The following FOXA2 variants were observed in gnomAD, a reference collection of about 807,000 sequenced individuals.
FOXA2 encodes the protein hepatocyte nuclear factor 3-beta.
A neutral mutation model predicts 33.3 loss-of-function variants in FOXA2; 9 were observed. The ratio of observed to expected loss-of-function variants is 0.27; its 90% CI spans 0.16 to 0.47. The LOEUF is 0.47. Ranked by LOEUF, FOXA2 falls within the 20% of genes least tolerant of loss-of-function variation. The pLI is 0.99. For synonymous variants in FOXA2, 329 were observed against 289.4 expected, an observed-to-expected ratio of 1.14 and a Z score of -1.39; for missense variants, 704 against 659.9, an observed-to-expected ratio of 1.07 and a Z score of -0.73.
At position 22,583,098 on chromosome 20, in the gene FOXA2, C is replaced by G. The variant is rs757617228; in HGVS notation, c.144G>C (p.Thr48=). The G allele has an allele frequency of 3.7e-6, 6 of 1,608,608 alleles. No individual in the cohort carries two copies. The highest frequency in any genetic ancestry group is 4.2e-6 in the Non-Finnish European group (5 of 1,179,880). ...NAGLGMNGMN[T]YMSMSAAAMG... ...TGGCGGCCGCCGACATGCTCATGTA[C>G]GTGTTCATGCCGTTCATCCCCAGGC... The change falls in exon 2 of 2, where the codon ACG becomes ACC. Residue 48 remains threonine (T), a synonymous_variant. Coordinates refer to ENST00000419308, the MANE Select transcript of FOXA2 (RefSeq NM_021784.5).
rs932549984 is a variant in FOXA2 at position 22,584,503 on chromosome 20, C to A, written c.-225G>T. Reference sequence around the variant, plus strand: ...GAGGAGCGGAGGAGGCCCAGGCCAGCGCCCCGCGGTAGGGAGCACCCGCCG... The same window carrying A: ...GAGGAGCGGAGGAGGCCCAGGCCAGAGCCCCGCGGTAGGGAGCACCCGCCG... On this transcript the variant is annotated 5_prime_UTR_variant, in exon 1 of 2. Transcript: ENST00000419308. 9.1e-6 allele frequency: 5 copies of A among 550,188 alleles called. No homozygotes were observed. Among genetic ancestry groups the A allele is most frequent in the South Asian group, 6.3e-5 (3 of 47,532 alleles). The allele number at this position is 550,188 out of a possible 1,614,324, so 34.1% of individuals were successfully genotyped here. A position where few individuals can be genotyped will look rare whatever the true frequency, so the allele number is the denominator to read the frequency against.
At position 22,582,523 on chromosome 20, in the gene FOXA2, G is replaced by C. The variant is rs766470566; in HGVS notation, c.719C>G (p.Thr240Ser). ...PDKPGKGSFW[T>S]LHPDSGNMFE... ...CATGTTGCCCGAGTCAGGGTGCAGGGTCCAGAAGGAGCCCTTGCCGGGCTT... is the reference window on the plus strand; with the variant it reads ...CATGTTGCCCGAGTCAGGGTGCAGGCTCCAGAAGGAGCCCTTGCCGGGCTT... The change falls in exon 2 of 2, where the codon ACC (threonine) becomes AGC (serine). Residue 240 changes from threonine to serine, a missense_variant. By Grantham distance (58) the Thr-to-Ser change is moderately conservative (BLOSUM62 1). Coordinates refer to ENST00000419308, the MANE Select transcript of FOXA2 (RefSeq NM_021784.5). 3 of 1,614,174 alleles carry C rather than the reference G, an allele frequency of 1.9e-6. No homozygotes were observed. In the South Asian group the frequency reaches 3.3e-5, roughly 18 times the overall value.
chr20:22,583,588 G>C (rs916532301), intron 1 of FOXA2, among the ~76,000 whole-genome samples: 5 of 152,190 alleles, frequency 3.3e-5, no homozygotes, highest in Admixed American at 1.3e-4. Flanking sequence ...GGGGCGCCTC[G>C]GGCTGCCTCC....
chr20:22,584,210 G>A lies in FOXA2; in HGVS notation c.69C>T (p.Ser23=). The change falls in exon 1 of 2, where the codon AGC becomes AGT. Residue 23 remains serine, a synonymous_variant. Transcript: ENST00000419308. ...CGCTTACCTCGGGCTCTGCATAGTA[G>A]CTGCTCCAGTCGGACGGCTCGTGCC... The part of the protein sequence containing the change: ...MEGHEPSDWS[S]YYAEPEGYSS... The A allele has an allele frequency of 1.2e-6, 2 of 1,613,970 alleles. No homozygotes were observed. Among genetic ancestry groups the A allele is most frequent in the Non-Finnish European group, 1.7e-6 (2 of 1,179,984 alleles).
At position 22,581,596 on chromosome 20, in the gene FOXA2, T is replaced by A. The variant is rs192713078; in HGVS notation, c.*254A>T. On this transcript the variant is annotated 3_prime_UTR_variant, in exon 2 of 2. Transcript: ENST00000419308. ...GTAGTGGAAACCGGAGGCTTTTTTTTAACTTTATATTCTTTCCCGTTTTCC... is the reference window on the plus strand; with the variant it reads ...GTAGTGGAAACCGGAGGCTTTTTTTAAACTTTATATTCTTTCCCGTTTTCC... 8.2e-4 allele frequency: 309 copies of A among 376,332 alleles called. 1 individual carries two copies. The highest frequency in any genetic ancestry group is 5.0e-3 in the African/African-American group (245 of 48,758). The allele number at this position is 376,332 out of a possible 1,614,324, so 23.3% of individuals were successfully genotyped here. A position where few individuals can be genotyped will look rare whatever the true frequency, so the allele number is the denominator to read the frequency against.
chr20:22,584,350 AAGTC>A lies in FOXA2; in HGVS notation c.-76_-73del. The A allele has an allele frequency of 7.6e-7, 1 of 1,311,736 alleles. No individual in the cohort carries two copies. The highest frequency in any genetic ancestry group is 1.1e-6 in the Non-Finnish European group (1 of 923,910). 81.3% of individuals were successfully genotyped at this position (1,311,736 alleles called of 1,614,324 possible). On this transcript the variant is annotated 5_prime_UTR_variant, in exon 1 of 2. Transcript: ENST00000419308. ...CCCACCCCCACCCTCTTTTAAAAAA[AAGTC>A]AGCCAAAGCACCGTCCCCTCCTCCC... is the stretch of plus-strand genomic sequence containing the variant.
Position 22,582,365 on chromosome 20 carries a change from G to A in FOXA2, c.877C>T (p.Leu293Phe), listed in dbSNP as rs1461412844. 2 of 1,504,990 alleles carry A rather than the reference G, an allele frequency of 1.3e-6. No individual in the cohort carries two copies. Among genetic ancestry groups the A allele is most frequent in the East Asian group, 4.7e-5 (2 of 42,122 alleles). 93.2% of individuals were successfully genotyped at this position (1,504,990 alleles called of 1,614,324 possible). ...AAGAQASQAQ[L>F]GEAAGPASET... ...GAGGCCGGCCCGGCGGCCTCCCCGA[G>A]TTGAGCCTGTGAGGCCTGGGCTCCG... Residue 293 changes from leucine (L) to phenylalanine (F), a missense_variant, in exon 2 of 2, where the codon CTC (leucine) becomes TTC (phenylalanine). Physicochemically the swap from Leu to Phe is conservative, Grantham distance 22. This residue lies in a region of FOXA2 where 343 missense variants were observed against 274.8 expected (regional missense o/e 1.25). Transcript: ENST00000419308.
chr20:22,582,412 C>A lies in FOXA2; in HGVS notation c.830G>T (p.Gly277Val). ...LALKEAAGAA[G>V]SGKKAAAGAQ... The stretch of plus-strand genomic sequence containing the variant: ...TCCGGCGGCCGCCTTCTTGCCGCTG[C>A]CGGCGGCGCCTGCGGCCTCCTTCAG... Residue 277 changes from glycine (G) to valine (V), a missense_variant, in exon 2 of 2, where the codon GGC becomes GTC. Around this residue, in one of 5 missense-constraint regions of FOXA2, gnomAD observed 343 missense variants for 274.8 expected, o/e 1.25. Coordinates refer to ENST00000419308, the MANE Select transcript of FOXA2 (RefSeq NM_021784.5). 1 of 1,569,776 alleles carries A rather than the reference C, an allele frequency of 6.4e-7. No individual in the cohort carries two copies. Among genetic ancestry groups the A allele is most frequent in the Non-Finnish European group, 8.6e-7 (1 of 1,162,586 alleles).
Position 22,582,048 on chromosome 20 carries a change from G to A in FOXA2, c.1194C>T (p.His398=). 1.9e-5 allele frequency: 31 copies of A among 1,613,524 alleles called. No homozygotes were observed. Among genetic ancestry groups the A allele is most frequent in the Non-Finnish European group, 2.5e-5 (29 of 1,179,436 alleles). Residue 398 remains histidine, a synonymous_variant, in exon 2 of 2, where the codon CAC becomes CAT. Coordinates refer to ENST00000419308, the MANE Select transcript of FOXA2 (RefSeq NM_021784.5). ...CCATTTTGTGGGGTTGGTGGTGGTG[G>A]TGGCTGTGGTGGTGCTGCTGCTCCG... ...MSSEQQHHHS[H]HHHQPHKMDL... is the part of the protein sequence containing the mutation.
intron 1 of FOXA2, among the ~76,000 whole-genome samples, chr20:22,583,420 A>C (rs1043249002): frequency 2.0e-5 from 3 of 152,192 alleles, no homozygotes; most frequent in Non-Finnish European, 4.4e-5. Flanking sequence ...ATTCTAGAAC[A>C]GGGGTCCCAT....
Position 22,582,645 on chromosome 20 carries a change from G to A in FOXA2, c.597C>T (p.Phe199=), listed in dbSNP as rs1984618893. ...SEIYQWIMDL[F]PFYRQNQQRW... ...GCTGCTGGTTCTGCCGGTAGAAGGG[G>A]AAGAGGTCCATGATCCACTGGTAGA... is the stretch of plus-strand genomic sequence containing the variant. The change falls in exon 2 of 2, where the codon TTC becomes TTT. Residue 199 remains phenylalanine (F), a synonymous_variant. Transcript: ENST00000419308. The A allele has an allele frequency of 1.9e-6, 3 of 1,614,104 alleles. No individual in the cohort carries two copies. Among genetic ancestry groups the A allele is most frequent in the African/African-American group, 1.3e-5 (1 of 74,946 alleles).
chr20:22,581,896 G>C lies in FOXA2; in HGVS notation c.1346C>G (p.Ser449Cys). 6.2e-7 allele frequency: 1 copy of C among 1,606,194 alleles called. No individual in the cohort carries two copies. Among genetic ancestry groups the C allele is most frequent in the Non-Finnish European group, 8.5e-7 (1 of 1,173,502 alleles). ...CCGGGAGTACACCCCCTGGTAGTAG[G>C]AGGTATCTGCGGCCAGGGGCGAGGC... ...LDASPLAADT[S>C]YYQGVYSRPI... Residue 449 changes from serine to cysteine, a missense_variant, in exon 2 of 2, where the codon TCC becomes TGC. Ser to Cys is a moderately radical substitution (Grantham distance 112). Transcript: ENST00000419308.
chr20:22,585,043 CCA>C (rs1312627796), upstream of FOXA2, among the ~76,000 whole-genome samples: 23 of 152,130 alleles, frequency 1.5e-4, no homozygotes, highest in Admixed American at 5.2e-4. Context: ...TGGGAGGAAA[CCA>C]CCCTCTGGGG....
At position 22,584,456 on chromosome 20, in the gene FOXA2, T is replaced by A. The variant is rs1054528844; in HGVS notation, c.-178A>T. 7 of 364,994 alleles carry A rather than the reference T, an allele frequency of 1.9e-5. No individual in the cohort carries two copies. Among genetic ancestry groups the A allele is most frequent in the Admixed American group, 1.8e-4 (6 of 33,340 alleles). 22.6% of individuals were successfully genotyped at this position (364,994 alleles called of 1,614,324 possible). On this transcript the variant is annotated 5_prime_UTR_variant, in exon 1 of 2. Coordinates refer to ENST00000419308, the MANE Select transcript of FOXA2 (RefSeq NM_021784.5). ...GCAGGCCGGAGGCGGTAGTTGGAAG[T>A]GGGCGGGAGGTGGGGGGGGGCGAGG...
At position 22,582,295 on chromosome 20, in the gene FOXA2, G is replaced by T; in HGVS notation, c.947C>A (p.Pro316Gln). Residue 316 changes from proline to glutamine, a missense_variant, in exon 2 of 2, where the codon CCG becomes CAG. Pro to Gln is a moderately conservative substitution (Grantham distance 76, BLOSUM62 -1). Transcript: ENST00000419308. ...GCCCCCTCGCTTGTGCTCCTGGCACGGGGAGGCGCTCGAGTGAGGCGACTC... is the reference window on the plus strand; with the variant it reads ...GCCCCCTCGCTTGTGCTCCTGGCACTGGGAGGCGCTCGAGTGAGGCGACTC... ...GTESPHSSAS[P>Q]CQEHKRGGLG... The T allele has an allele frequency of 2.0e-6, 3 of 1,469,570 alleles. No homozygotes were observed. Among genetic ancestry groups the T allele is most frequent in the Non-Finnish European group, 2.7e-6 (3 of 1,120,074 alleles). The allele number at this position is 1,469,570 out of a possible 1,614,324, so 91.0% of individuals were successfully genotyped here. A position where few individuals can be genotyped will look rare whatever the true frequency, so the allele number is the denominator to read the frequency against.
chr20:22,582,901 G>A lies in FOXA2; in HGVS notation c.341C>T (p.Pro114Leu). 1 of 1,564,698 alleles carries A rather than the reference G, an allele frequency of 6.4e-7. No homozygotes were observed. Among genetic ancestry groups the A allele is most frequent in the Non-Finnish European group, 8.6e-7 (1 of 1,161,052 alleles). ...GVAGMGPHLS[P>L]SLSPLGGQAA... ...CTGCCCCCCGAGCGGGCTCAGGCTG[G>A]GACTCAAGTGCGGCCCCATGCCCGC... is the stretch of plus-strand genomic sequence containing the variant. The change falls in exon 2 of 2, where the codon CCC (proline) becomes CTC (leucine). Residue 114 changes from proline to leucine, a missense_variant. Physicochemically the swap from Pro to Leu is moderately conservative, Grantham distance 98. Around this residue, in one of 5 missense-constraint regions of FOXA2, gnomAD observed 304 missense variants for 251.7 expected, o/e 1.21. Transcript: ENST00000419308.
chr20:22,585,225 G>A (rs1984735398), upstream of FOXA2: 1 of 152,286 alleles, frequency 6.6e-6, no homozygotes, highest in Non-Finnish European at 1.5e-5. Context: ...GCAAGTCCAT[G>A]ACAGCCAATT....
Position 22,581,760 on chromosome 20 carries a change from C to CGTCTCCCCAA in FOXA2, c.*80_*89dup. ...CTTCTCCCTTGCGTCTCTGCAACAC[C>CGTCTCCCCAA]GTCTCCCCAAAGTCTCGACCCCCAC... is the stretch of plus-strand genomic sequence containing the variant. On this transcript the variant is annotated 3_prime_UTR_variant, in exon 2 of 2. Coordinates refer to ENST00000419308, the MANE Select transcript of FOXA2 (RefSeq NM_021784.5). 8.0e-7 allele frequency: 1 copy of CGTCTCCCCAA among 1,253,996 alleles called. No individual in the cohort carries two copies. The highest frequency in any genetic ancestry group is 1.1e-6 in the Non-Finnish European group (1 of 871,602). The allele number at this position is 1,253,996 out of a possible 1,614,324, so 77.7% of individuals were successfully genotyped here.
chr20:22,584,067 G>A (rs1984681329), intron 1 of FOXA2, 125 bp downstream of exon 1: 2 of 830,926 alleles, frequency 2.4e-6, no homozygotes, highest in Admixed American at 1.9e-5. Context: ...CGGAAAAGGC[G>A]GCTGCCCAGA....
Sources: gnomAD v4.1 joint callset for allele counts (sites outside exome capture counted in the v4.1 genomes callset) on GRCh38, gnomAD v4.1.1 for gene constraint, gnomAD v4.1.1 regional missense constraint, MANE v1.5 for transcripts, NCBI Gene and HGNC (gene_info 2026-07-23, HGNC 2026-07-21) for gene names.